The following RIMS2 variants were observed in gnomAD, a reference collection of about 807,000 sequenced individuals.
The protein encoded by RIMS2 is regulating synaptic membrane exocytosis protein 2.
A neutral mutation model predicts 174.4 loss-of-function variants in RIMS2; 59 were observed. That is an observed-to-expected ratio of 0.34 (90% confidence interval 0.27 to 0.42). The LOEUF (loss-of-function observed/expected upper bound fraction) is 0.42, where lower values mean the gene tolerates loss of function less well. Ranked by LOEUF, RIMS2 falls within the 10% of genes least tolerant of loss-of-function variation. The pLI, the probability that RIMS2 is intolerant of heterozygous loss-of-function variation, is 1.00. For missense variants in RIMS2, 1,620 were observed against 1,666.3 expected (o/e 0.97, Z 0.48); for synonymous variants, 606 against 572.5 (o/e 1.06, Z -0.84).
intron 4 of RIMS2, among the ~76,000 whole-genome samples, chr8:103,892,564 T>G (rs10505051): frequency 0.11 from 17,074 of 152,006 alleles, 1,351 homozygotes; most frequent in African/African-American, 0.23. Flanking sequence ...AGATTGATTA[T>G]TCTCTTATGT....
chr8:104,061,597 T>A (rs1321780989), intron 19 of RIMS2, among the ~76,000 whole-genome samples: 4 of 149,914 alleles, frequency 2.7e-5, no homozygotes, highest in Non-Finnish European at 5.9e-5. Context: ...TTGTTCTCTG[T>A]CTTATTTATA....
At chr8:104,143,107 T>A (rs1362353365) in intron 19 of RIMS2, among the ~76,000 whole-genome samples, 1 of 152,250 alleles carries the variant, frequency 6.6e-6, no homozygotes, top group East Asian at 1.9e-4. Context: ...GCGTTTTATA[T>A]GCTGATATTT....
intron 8 of RIMS2, 141 bp from the exon 12 acceptor site, chr8:103,918,300 C>A: frequency 2.0e-6 from 1 of 504,216 alleles, no homozygotes; most frequent in South Asian, 4.5e-5. Flanking sequence ...TTGTTTGTTT[C>A]TTATTTATAT....
intron 19 of RIMS2, among the ~76,000 whole-genome samples, chr8:104,156,098 C>T (rs112955381): frequency 3.3e-5 from 5 of 152,322 alleles, no homozygotes; most frequent in African/African-American, 1.2e-4. Flanking sequence ...ATTTACCTAA[C>T]ATACATTACC....
intron 3 of RIMS2, among the ~76,000 whole-genome samples, chr8:103,810,390 C>T (rs1302413229): frequency 1.3e-5 from 2 of 152,142 alleles, no homozygotes; most frequent in African/African-American, 4.8e-5. Context: ...CCCATTTACA[C>T]TCAATCAGTG....
chr8:103,942,780 T>A, exon 14 of RIMS2: 1 of 1,610,624 alleles, frequency 6.2e-7, no homozygotes, highest in Non-Finnish European at 8.5e-7. Context: ...TAGATTTTAA[T>A]TGAATTAGAA....
At chr8:103,827,695 C>T (rs555390699) in intron 3 of RIMS2, among the ~76,000 whole-genome samples, 6 of 152,086 alleles carry the variant, frequency 3.9e-5, no homozygotes, top group South Asian at 2.1e-4. Flanking sequence ...ATTAGCTGGG[C>T]GTGGCCGTGT....
At chr8:103,693,934 CA>C (rs1184621063) in intron 1 of RIMS2, among the ~76,000 whole-genome samples, 1 of 152,154 alleles carries the variant, frequency 6.6e-6, no homozygotes, top group Non-Finnish European at 1.5e-5. Context: ...GGTGTTAGTG[CA>C]CAGGTGCACT....
chr8:104,178,085 T>G (rs2135788273), intron 19 of RIMS2, among the ~76,000 whole-genome samples: 1 of 152,248 alleles, frequency 6.6e-6, no homozygotes, highest in Non-Finnish European at 1.5e-5. Flanking sequence ...CAATGCAAAT[T>G]TATTATTTCA....
intron 1 of RIMS2, among the ~76,000 whole-genome samples, chr8:103,696,862 C>CAAAAAAAAAAAAA (rs55852238): frequency 2.6e-4 from 14 of 53,708 alleles, no homozygotes; most frequent in South Asian, 7.6e-4. Context: ...GACTTCGTCT[C>CAAAAAAAAAAAAA]AAAAAAAAAA....
chr8:103,716,810 A>T (rs1483399135), intron 2 of RIMS2, among the ~76,000 whole-genome samples: 2 of 152,004 alleles, frequency 1.3e-5, no homozygotes, highest in Non-Finnish European at 2.9e-5. Flanking sequence ...TATTTTTCTT[A>T]TATGTTTTAG....
intron 19 of RIMS2, among the ~76,000 whole-genome samples, chr8:104,126,148 A>G (rs547474200): frequency 6.6e-6 from 1 of 152,346 alleles, no homozygotes; most frequent in African/African-American, 2.4e-5. Context: ...ACTGTGGTTG[A>G]GAAAAAGCAA....
intron 19 of RIMS2, among the ~76,000 whole-genome samples, chr8:104,230,038 G>C (rs187191756): frequency 3.3e-5 from 5 of 152,242 alleles, no homozygotes; most frequent in Admixed American, 1.3e-4. Context: ...CCAGCACTTT[G>C]GGAGGCTGAG....
chr8:103,878,674 C>T (rs988747007), intron 3 of RIMS2, among the ~76,000 whole-genome samples: 1 of 150,262 alleles, frequency 6.7e-6, no homozygotes, highest in Non-Finnish European at 1.5e-5. Context: ...GTAGATTTCA[C>T]GTGTGAATTC....
intron 19 of RIMS2, among the ~76,000 whole-genome samples, chr8:104,119,090 G>A (rs1422756712): frequency 6.6e-6 from 1 of 151,700 alleles, no homozygotes; most frequent in East Asian, 1.9e-4. Context: ...GCTCAGGCCT[G>A]TAATCCCAGC....
chr8:103,643,323 G>A (rs773663691), intron 1 of RIMS2, among the ~76,000 whole-genome samples: 3 of 151,740 alleles, frequency 2.0e-5, no homozygotes, highest in East Asian at 3.9e-4. Flanking sequence ...TGTTGTCTAC[G>A]TTTTACATTG....
intron 19 of RIMS2, among the ~76,000 whole-genome samples, chr8:104,213,476 T>G (rs2099114617): frequency 6.6e-6 from 1 of 152,230 alleles, no homozygotes; most frequent in Non-Finnish European, 1.5e-5. Flanking sequence ...ATTGTCAACT[T>G]TATGAGGAAA....
At chr8:103,625,740 G>A (rs2095765476) in intron 1 of RIMS2, among the ~76,000 whole-genome samples, 1 of 151,992 alleles carries the variant, frequency 6.6e-6, no homozygotes, top group Non-Finnish European at 1.5e-5. Context: ...TTGAATGCAG[G>A]CAGGTCTGAC....
intron 19 of RIMS2, among the ~76,000 whole-genome samples, chr8:104,216,887 A>C (rs902818547): frequency 6.6e-6 from 1 of 152,174 alleles, no homozygotes; most frequent in Admixed American, 6.5e-5. Context: ...ATATGCATCA[A>C]TTTTCTTGTC....
Sources: gnomAD v4.1 joint callset for allele counts (sites outside exome capture counted in the v4.1 genomes callset) on GRCh38, gnomAD v4.1.1 for gene constraint, MANE v1.5 for transcripts, NCBI Gene and HGNC (gene_info 2026-07-23, HGNC 2026-07-21) for gene names.